HERC3: variants seen among roughly 807,000 people sequenced by gnomAD.
The protein encoded by HERC3 is probable E3 ubiquitin-protein ligase HERC3.
In HERC3, 58 loss-of-function variants were observed where a neutral mutation model predicts 129.9. That is an observed-to-expected ratio of 0.45 (90% CI 0.36 to 0.56). The LOEUF is 0.56. HERC3 is among the 20% of genes least tolerant of loss of function. HERC3 has a pLI of 0.00. For synonymous variants in HERC3, 430 were observed against 451.0 expected, an observed-to-expected ratio of 0.95 and a Z score of 0.59; for missense variants, 835 against 1,244.2, an observed-to-expected ratio of 0.67 and a Z score of 4.95.
the HERC3 span, among the ~76,000 whole-genome samples, chr4:88,550,668 A>T: frequency 6.6e-6 from 1 of 151,592 alleles, no homozygotes; most frequent in Non-Finnish European, 1.5e-5. Flanking sequence ...TTCCATGCTC[A>T]TGGGTAGGAA....
chr4:88,633,887 A>G (rs931763176), intron 3 of HERC3, among the ~76,000 whole-genome samples: 1 of 152,256 alleles, frequency 6.6e-6, no homozygotes, highest in African/African-American at 2.4e-5. Flanking sequence ...AAGTAGGCAA[A>G]GAAAGTGACC....
chr4:88,565,260 A>T, the HERC3 span, among the ~76,000 whole-genome samples: 3 of 152,126 alleles, frequency 2.0e-5, no homozygotes, highest in African/African-American at 7.2e-5. Flanking sequence ...CATTTGGTCT[A>T]CAGTAGGATT....
the HERC3 span, among the ~76,000 whole-genome samples, chr4:88,541,603 C>T: frequency 6.6e-6 from 1 of 152,172 alleles, no homozygotes; most frequent in Non-Finnish European, 1.5e-5. Context: ...TAATAGACAT[C>T]TACAGAACTC....
chr4:88,585,444 T>C, the HERC3 span, among the ~76,000 whole-genome samples: 1 of 152,166 alleles, frequency 6.6e-6, no homozygotes, highest in African/African-American at 2.4e-5. Flanking sequence ...TAAGTTTTCT[T>C]TTTGAGAAAT....
chr4:88,543,410 A>G, the HERC3 span, among the ~76,000 whole-genome samples: 6 of 152,204 alleles, frequency 3.9e-5, no homozygotes, highest in Non-Finnish European at 7.3e-5. Flanking sequence ...GAGAACTACA[A>G]ACCACTGCTC....
chr4:88,594,324 G>T lies in HERC3; in HGVS notation c.-87-1233G>T, dbSNP rs573648352. 2.2e-4 allele frequency among the ~76,000 whole-genome samples: 33 copies of T among 152,294 alleles called. 1 individual carries two copies. The Middle Eastern group carries it at 0.01, about 47-fold the overall frequency. On this transcript the variant is annotated intron_variant, in intron 1 of 25. Transcript: ENST00000402738. Reference sequence around the variant, plus strand: ...CCTACTGGAGACACAAGATAGTTATGCTTCAGTTTTATAAGTAAAAGTACT... The same window carrying T: ...CCTACTGGAGACACAAGATAGTTATTCTTCAGTTTTATAAGTAAAAGTACT...
At chr4:88,541,656 C>T in the HERC3 span, among the ~76,000 whole-genome samples, 1 of 152,196 alleles carries the variant, frequency 6.6e-6, no homozygotes, top group Non-Finnish European at 1.5e-5. Context: ...CTTCTCAGCA[C>T]CACATCGCAC....
chr4:88,697,699 G>A (rs776481534), intron 23 of HERC3: 2 of 1,611,856 alleles, frequency 1.2e-6, no homozygotes, highest in African/African-American at 1.3e-5. Flanking sequence ...CGCTGCCTCC[G>A]CCGCTGCCGC....
At position 88,662,487 on chromosome 4, in the gene HERC3, A is replaced by G. The variant is rs1730592901; in HGVS notation, c.1203A>G (p.Leu401=). Residue 401 remains leucine (L), a synonymous_variant, in exon 11 of 26, where the codon TTA becomes TTG. Transcript: ENST00000402738. The part of the protein sequence containing the change: ...RTMNQAHYTS[L]INDETIAVWR... ...TGAACCAAGCACATTATACCAGTTT[A>G]ATAAATGATGAAACCATAGCAGTTT... is the stretch of plus-strand genomic sequence containing the variant. 9.3e-6 allele frequency: 15 copies of G among 1,613,014 alleles called. No individual in the cohort carries two copies. The highest frequency in any genetic ancestry group is 1.2e-5 in the Non-Finnish European group (14 of 1,179,024).
the HERC3 span, among the ~76,000 whole-genome samples, chr4:88,566,222 C>A: frequency 6.6e-6 from 1 of 152,074 alleles, no homozygotes; most frequent in African/African-American, 2.4e-5. Context: ...TCAGAAAATG[C>A]AGTATTTGGT....
intron 2 of HERC3, among the ~76,000 whole-genome samples, chr4:88,596,549 A>G (rs1329324913): frequency 1.3e-5 from 2 of 152,228 alleles, no homozygotes; most frequent in African/African-American, 4.8e-5. Context: ...AAAGATGAGT[A>G]AAACCTGGTT....
Position 88,697,593 on chromosome 4 carries a change from C to G in HERC3, c.2658-6505C>G. The G allele has an allele frequency of 3.1e-6, 5 of 1,614,040 alleles. No individual in the cohort carries two copies. In the East Asian group the frequency reaches 1.1e-4, roughly 36 times the overall value. On this transcript the variant is annotated intron_variant, in intron 23 of 25. Transcript: ENST00000402738. The stretch of plus-strand genomic sequence containing the variant: ...GGGCATTCTCTGCAGGGGTCTGGGG[C>G]TCCTCAGCCATCTGACCAGCCGCGC...
intron 21 of HERC3, among the ~76,000 whole-genome samples, chr4:88,681,999 G>A (rs553217862): frequency 2.0e-5 from 3 of 152,334 alleles, no homozygotes; most frequent in South Asian, 2.1e-4. Context: ...ATCCATGGAT[G>A]TGGAACATGT....
chr4:88,624,101 A>G (rs1001804276), intron 3 of HERC3, among the ~76,000 whole-genome samples: 2 of 152,204 alleles, frequency 1.3e-5, no homozygotes, highest in Non-Finnish European at 2.9e-5. Context: ...ACATTGTTGC[A>G]CATGTCAGTA....
the HERC3 span, among the ~76,000 whole-genome samples, chr4:88,549,179 A>G: frequency 6.6e-6 from 1 of 152,182 alleles, no homozygotes; most frequent in Non-Finnish European, 1.5e-5. Flanking sequence ...ATAAAGTAGA[A>G]ATAAAAACTT....
At chr4:88,665,092 G>A (rs3852086) in intron 12 of HERC3, among the ~76,000 whole-genome samples, 13,585 of 152,116 alleles carry the variant, frequency 0.089, 899 homozygotes, top group South Asian at 0.24. Flanking sequence ...CCTACCCCTC[G>A]AGCCCTGTGT....
chr4:88,639,903 T>A (rs1336276246), intron 3 of HERC3, among the ~76,000 whole-genome samples: 1 of 151,988 alleles, frequency 6.6e-6, no homozygotes, highest in East Asian at 1.9e-4. Context: ...AAAAACCCCT[T>A]CATAAAGTGG....
chr4:88,655,589 CT>C (rs1729798599), intron 8 of HERC3, among the ~76,000 whole-genome samples: 2 of 152,118 alleles, frequency 1.3e-5, no homozygotes, highest in African/African-American at 4.8e-5. Context: ...CAAAGAACTT[CT>C]TGGAAATTTT....
chr4:88,650,035 C>T, intron 4 of HERC3, 36 bp downstream of exon 4: 2 of 1,587,166 alleles, frequency 1.3e-6, no homozygotes, highest in East Asian at 4.5e-5. Flanking sequence ...GTTTTAAATG[C>T]TATTTCCTGC....
Sources: allele counts gnomAD v4.1 joint callset (sites outside exome capture counted in the v4.1 genomes callset), GRCh38; gene constraint gnomAD v4.1.1; transcripts MANE v1.5; gene names NCBI Gene and HGNC (gene_info 2026-07-23, HGNC 2026-07-21).